ADAMTS3: variants seen among roughly 807,000 people sequenced by gnomAD.
The protein encoded by ADAMTS3 is ADAM metallopeptidase with thrombospondin type 1 motif 3, also known as A disintegrin and metalloproteinase with thrombospondin motifs 3.
In ADAMTS3, 73 loss-of-function variants were observed where a neutral mutation model predicts 129.0. That is an observed-to-expected ratio of 0.57 (90% CI 0.47 to 0.69). The LOEUF is 0.69. Ranked by LOEUF, ADAMTS3 falls within the 30% of genes least tolerant of loss-of-function variation. The pLI is 0.00. For synonymous variants in ADAMTS3, 477 were observed against 510.8 expected, an observed-to-expected ratio of 0.93 and a Z score of 0.89; for missense variants, 1,457 against 1,514.5, an observed-to-expected ratio of 0.96 and a Z score of 0.63.
At chr4:72,495,123 G>A (rs1253401002) in intron 3 of ADAMTS3, among the ~76,000 whole-genome samples, 1 of 152,152 alleles carries the variant, frequency 6.6e-6, no homozygotes, top group Non-Finnish European at 1.5e-5. Flanking sequence ...AGTGTCTAAG[G>A]CCTGAGTGTG....
At chr4:72,323,689 C>G (rs1028325599) in intron 5 of ADAMTS3, among the ~76,000 whole-genome samples, 4 of 152,104 alleles carry the variant, frequency 2.6e-5, no homozygotes, top group African/African-American at 9.7e-5. Context: ...GGAGACTGTA[C>G]GAGTACCTGT....
intron 21 of ADAMTS3, among the ~76,000 whole-genome samples, chr4:72,288,283 CTGTT>C (rs1718563646): frequency 6.6e-6 from 1 of 152,212 alleles, no homozygotes; most frequent in African/African-American, 2.4e-5. Context: ...TGCAAGGTGT[CTGTT>C]TGAAGTTACT....
intron 4 of ADAMTS3, among the ~76,000 whole-genome samples, chr4:72,348,204 C>T (rs1214143896): frequency 6.6e-6 from 1 of 151,974 alleles, no homozygotes; most frequent in African/African-American, 2.4e-5. Flanking sequence ...ATAGAACTTA[C>T]ATCCCAGTGA....
rs766451234 is a variant in ADAMTS3 at position 72,295,668 on chromosome 4, C to G, written c.2709G>C (p.Glu903Asp). The G allele has an allele frequency of 6.2e-7, 1 of 1,612,644 alleles. No individual in the cohort carries two copies. Among genetic ancestry groups the G allele is most frequent in the Non-Finnish European group, 8.5e-7 (1 of 1,178,936 alleles). Reference sequence around the variant, plus strand: ...TAGATGCTTACAGTGGATGTGTACACTCTTGAATATTGCACATTCGTCTAA... The same window carrying G: ...TAGATGCTTACAGTGGATGTGTACAGTCTTGAATATTGCACATTCGTCTAA... Reference protein sequence around the residue: ...KPIRRMCNIQECTHPLWVAEE... With the variant: ...KPIRRMCNIQDCTHPLWVAEE... Residue 903 changes from glutamate to aspartate, a missense_variant, in exon 19 of 22, where the codon GAG becomes GAC. Transcript: ENST00000286657.
At chr4:72,339,368 T>G in intron 5 of ADAMTS3, 126 bp downstream of exon 5, 6 of 801,520 alleles carry the variant, frequency 7.5e-6, no homozygotes, top group Non-Finnish European at 1.2e-5. Context: ...TAATTTAAAT[T>G]TAATGCCATC....
rs1418220364 is a variant in ADAMTS3, at chr4:72,298,203, A to C, written c.2590+74T>G. 3.2e-6 allele frequency: 4 copies of C among 1,263,050 alleles called. No individual in the cohort carries two copies. The East Asian group carries it at 9.5e-5, about 30-fold the overall frequency. The allele number at this position is 1,263,050 out of a possible 1,614,324, so 78.2% of individuals were successfully genotyped here. Reference sequence around the variant, plus strand: ...TCAGATTGTGGCCTCGATTAGAGACAGCAATAAAGGTAGAAGCAAGATTGG... The same window carrying C: ...TCAGATTGTGGCCTCGATTAGAGACCGCAATAAAGGTAGAAGCAAGATTGG... On this transcript the variant is annotated intron_variant, in intron 18 of 21. Coordinates refer to ENST00000286657, the MANE Select transcript of ADAMTS3 (RefSeq NM_014243.3).
intron 3 of ADAMTS3, among the ~76,000 whole-genome samples, chr4:72,525,465 G>C (rs1346502007): frequency 3.9e-5 from 6 of 152,140 alleles, no homozygotes; most frequent in African/African-American, 1.4e-4. Context: ...TCATGCTGTA[G>C]CATGGAATAG....
chr4:72,282,207 A>T lies in ADAMTS3; in HGVS notation c.*929T>A, dbSNP rs1718367054. 1 of 152,204 alleles carries T rather than the reference A, an allele frequency of 6.6e-6. No homozygotes were observed. Among genetic ancestry groups the T allele is most frequent in the Non-Finnish European group, 1.5e-5 (1 of 68,028 alleles). The allele number at this position is 152,204 out of a possible 1,614,324, so 9.4% of individuals were successfully genotyped here. On this transcript the variant is annotated 3_prime_UTR_variant, in exon 22 of 22. Transcript: ENST00000286657. Reference sequence around the variant, plus strand: ...TGTATCTGTCAACAATGCGAAAATTAAAAAAGAACACACACACACAAAAAC... The same window carrying T: ...TGTATCTGTCAACAATGCGAAAATTTAAAAAGAACACACACACACAAAAAC...
intron 3 of ADAMTS3, among the ~76,000 whole-genome samples, chr4:72,544,742 T>A (rs951532262): frequency 6.6e-6 from 1 of 152,206 alleles, no homozygotes; most frequent in African/African-American, 2.4e-5. Context: ...CTAGTTATAA[T>A]GACATCATGG....
rs747194111 is a variant in ADAMTS3 at position 72,311,225 on chromosome 4, A to C, written c.1922-44T>G. 3 of 1,561,584 alleles carry C rather than the reference A, an allele frequency of 1.9e-6. No homozygotes were observed. The South Asian group carries it at 3.5e-5, about 18-fold the overall frequency. On this transcript the variant is annotated intron_variant, in intron 13 of 21. Coordinates refer to ENST00000286657, the MANE Select transcript of ADAMTS3 (RefSeq NM_014243.3). ...AAAATTAACTATTTACATAAAATGG[A>C]ATGTTTGAACAGCATAGTTTATTTT...
chr4:72,541,064 A>T (rs1721310887), intron 3 of ADAMTS3, among the ~76,000 whole-genome samples: 1 of 152,168 alleles, frequency 6.6e-6, no homozygotes, highest in Admixed American at 6.5e-5. Flanking sequence ...TGCCTGGAAA[A>T]GCTGCAGACA....
rs752323640 is a variant in ADAMTS3 at position 72,288,785 on chromosome 4, C to T, written c.3015G>A (p.Glu1005=). 3.1e-6 allele frequency: 5 copies of T among 1,613,842 alleles called. No individual in the cohort carries two copies. In the Admixed American group the frequency reaches 8.3e-5, roughly 27 times the overall value. The change falls in exon 21 of 22, where the codon GAG becomes GAA. Residue 1005 remains glutamate (E), a synonymous_variant. Transcript: ENST00000286657. ...GAGGCAGTTGACAGGCTCTGACCGACTCAGGCTTTTCACCATCACAGTGGT... is the reference window on the plus strand; with the variant it reads ...GAGGCAGTTGACAGGCTCTGACCGATTCAGGCTTTTCACCATCACAGTGGT... The part of the protein sequence containing the change: ...AGDHCDGEKP[E]SVRACQLPPC...
At chr4:72,482,644 T>G (rs2110007465) in intron 3 of ADAMTS3, among the ~76,000 whole-genome samples, 1 of 152,286 alleles carries the variant, frequency 6.6e-6, no homozygotes, top group South Asian at 2.1e-4. Context: ...TAGTTGAGGA[T>G]GTTATTGAGG....
chr4:72,339,934 C>T (rs1720092118), intron 4 of ADAMTS3, among the ~76,000 whole-genome samples: 1 of 152,096 alleles, frequency 6.6e-6, no homozygotes, highest in Admixed American at 6.6e-5. Context: ...GGAGCGGTGC[C>T]ATCATGGCAG....
At chr4:72,329,084 C>T (rs922571117) in intron 5 of ADAMTS3, among the ~76,000 whole-genome samples, 1 of 152,056 alleles carries the variant, frequency 6.6e-6, no homozygotes, top group Admixed American at 6.6e-5. Context: ...TGGCTATGTG[C>T]CCAAATGTTC....
At chr4:72,385,519 C>T (rs1721423880) in intron 4 of ADAMTS3, among the ~76,000 whole-genome samples, 1 of 151,890 alleles carries the variant, frequency 6.6e-6, no homozygotes, top group Non-Finnish European at 1.5e-5. Context: ...TGAAATGCTC[C>T]CTCCAAAAGG....
intron 3 of ADAMTS3, among the ~76,000 whole-genome samples, chr4:72,499,972 C>T (rs918053598): frequency 2.0e-5 from 3 of 152,136 alleles, no homozygotes; most frequent in African/African-American, 7.2e-5. Context: ...CTTTTTATTG[C>T]TGCAAAGTAT....
chr4:72,309,866 C>T (rs189713645), intron 14 of ADAMTS3, among the ~76,000 whole-genome samples: 2 of 152,124 alleles, frequency 1.3e-5, no homozygotes, highest in Non-Finnish European at 2.9e-5. Flanking sequence ...TTGCTGCTCT[C>T]ACATTTATGA....
chr4:72,337,278 ATT>A (rs139291781), intron 5 of ADAMTS3, among the ~76,000 whole-genome samples: 2 of 152,108 alleles, frequency 1.3e-5, no homozygotes, highest in African/African-American at 4.8e-5. Flanking sequence ...CTATTATCTA[ATT>A]TTTTTAATGG....
Sources: gnomAD v4.1 joint callset for allele counts (sites outside exome capture counted in the v4.1 genomes callset) on GRCh38, gnomAD v4.1.1 for gene constraint, MANE v1.5 for transcripts, NCBI Gene and HGNC (gene_info 2026-07-23, HGNC 2026-07-21) for gene names.